AFP: variants seen among roughly 807,000 people sequenced by gnomAD.
The protein encoded by AFP is alpha fetoprotein.
In AFP, 64 loss-of-function variants were observed where a neutral mutation model predicts 78.9. That is an observed-to-expected ratio of 0.81 (90% CI 0.66 to 1.00). The LOEUF is 1.00. Ranked by LOEUF, AFP falls within the 50% of genes least tolerant of loss-of-function variation. The probability of loss-of-function intolerance (pLI) is 0.00; values close to 1 mark genes in which losing one functional copy is unlikely to be tolerated. For missense variants in AFP, 689 were observed against 703.8 expected (o/e 0.98, Z 0.24); for synonymous variants, 254 against 243.8 (o/e 1.04, Z -0.39).
In AFP at chr4:73,452,444, C is replaced by A. The variant is rs1267236142; in HGVS notation, c.1472C>A (p.Thr491Asn). 5.0e-6 allele frequency: 8 copies of A among 1,614,088 alleles called. No homozygotes were observed. Among genetic ancestry groups the A allele is most frequent in the Non-Finnish European group, 6.8e-6 (8 of 1,179,970 alleles). ...IGHLCIRHEM[T>N]PVNPGVGQCC... ...CACTTATGTATCAGACATGAAATGA[C>A]TCCAGTAAACCCTGGTGTTGGCCAG... The change falls in exon 12 of 15, where the codon ACT becomes AAT. Residue 491 changes from threonine to asparagine, a missense_variant. Physicochemically the swap from Thr to Asn is moderately conservative, Grantham distance 65 (BLOSUM62 0). Transcript: ENST00000395792.
intron 9 of AFP, among the ~76,000 whole-genome samples, 156 bp downstream of exon 9, chr4:73,449,623 A>C (rs761222590): frequency 5.9e-5 from 9 of 152,240 alleles, no homozygotes; most frequent in Admixed American, 1.3e-4. Context: ...AGCAGTCAGC[A>C]GCTAGTGGCT....
At chr4:73,450,326 G>A (rs1364993066) in intron 10 of AFP, among the ~76,000 whole-genome samples, 193 bp downstream of exon 10, 1 of 152,162 alleles carries the variant, frequency 6.6e-6, no homozygotes, top group Non-Finnish European at 1.5e-5. Flanking sequence ...CCGAGTTAAA[G>A]CACCAAAAGA....
intron 7 of AFP, among the ~76,000 whole-genome samples, chr4:73,446,529 C>T (rs1719831518): frequency 6.6e-6 from 1 of 152,000 alleles, no homozygotes; most frequent in Non-Finnish European, 1.5e-5. Flanking sequence ...AGGTGCATTG[C>T]CATTTTATTA....
intron 10 of AFP, among the ~76,000 whole-genome samples, chr4:73,450,358 C>T (rs1435009431): frequency 6.6e-6 from 1 of 152,160 alleles, no homozygotes; most frequent in Non-Finnish European, 1.5e-5. Flanking sequence ...ATCAATGAAG[C>T]TCCGAGGTTG....
chr4:73,454,309 A>G (rs1720098663), intron 13 of AFP, among the ~76,000 whole-genome samples: 1 of 152,058 alleles, frequency 6.6e-6, no homozygotes, highest in African/African-American at 2.4e-5. Flanking sequence ...ACTCATTTAG[A>G]AGCTTGCTTT....
rs2149337758 is a variant in AFP, at chr4:73,455,672, TTTCTC to T, written c.*55_*59del. ...ACGAGTCTTTCATTCGGTGTGAACT[TTTCTC>T]TTTAATTTTAACTGATTTAACACTT... On this transcript the variant is annotated 3_prime_UTR_variant, in exon 15 of 15. Coordinates refer to ENST00000395792, the MANE Select transcript of AFP (RefSeq NM_001134.3). 1.4e-6 allele frequency: 1 copy of T among 696,610 alleles called. No homozygotes were observed. Among genetic ancestry groups the T allele is most frequent in the Non-Finnish European group, 2.6e-6 (1 of 383,320 alleles). 43.2% of individuals were successfully genotyped at this position (696,610 alleles called of 1,614,324 possible).
chr4:73,448,068 G>T (rs754907927), intron 8 of AFP, among the ~76,000 whole-genome samples: 3 of 151,820 alleles, frequency 2.0e-5, no homozygotes, highest in African/African-American at 7.3e-5. Flanking sequence ...CTCTTGCTAC[G>T]CATGTTAAAA....
At position 73,453,885 on chromosome 4, in the gene AFP, C is replaced by T. The variant is rs1205934503; in HGVS notation, c.1773C>T (p.Cys591=). The change falls in exon 13 of 15, where the codon TGC becomes TGT. Residue 591 remains cysteine, a synonymous_variant. Coordinates refer to ENST00000395792, the MANE Select transcript of AFP (RefSeq NM_001134.3). ...KCCQGQEQEV[C]FAEEGQKLIS... is the part of the protein sequence containing the mutation. ...GCCAAGGCCAGGAACAGGAAGTCTGCTTTGCTGAAGAGGTACATGCAGCTC... is the reference window on the plus strand; with the variant it reads ...GCCAAGGCCAGGAACAGGAAGTCTGTTTTGCTGAAGAGGTACATGCAGCTC... 6.2e-7 allele frequency: 1 copy of T among 1,613,550 alleles called. No individual in the cohort carries two copies. The highest frequency in any genetic ancestry group is 1.3e-5 in the African/African-American group (1 of 74,894).
At chr4:73,442,853 A>G (rs1157243435) in intron 5 of AFP, among the ~76,000 whole-genome samples, 3 of 152,162 alleles carry the variant, frequency 2.0e-5, no homozygotes, top group Admixed American at 1.3e-4. Context: ...TTGTCCTTTA[A>G]CAAACTAGGA....
chr4:73,447,107 A>T lies in AFP; in HGVS notation c.844-355A>T, dbSNP rs554645765. Among the ~76,000 whole-genome samples the T allele has an allele frequency of 3.3e-5, 5 of 152,254 alleles. No homozygotes were observed. The East Asian group carries it at 9.6e-4, about 29-fold the overall frequency. On this transcript the variant is annotated intron_variant, in intron 7 of 14. Coordinates refer to ENST00000395792, the MANE Select transcript of AFP (RefSeq NM_001134.3). ...TAGCACTTAGGACATTATACTTGAT[A>T]ATTTCCAAGGGTCTTTCTAGATTTA... is the stretch of plus-strand genomic sequence containing the variant.
At chr4:73,437,306 C>A in intron 2 of AFP, 95 bp downstream of exon 2, 1 of 968,546 alleles carries the variant, frequency 1.0e-6, no homozygotes, top group South Asian at 1.4e-5. Context: ...CTCTTAAAAG[C>A]ACAAAAGCAA....
rs1343412659 is a variant in AFP at position 73,455,721 on chromosome 4, G to C, written c.*101G>C. ...AACACTTTTTGTGAATTAATGAAATGATAAAGACTTTTATGTGAGATTTCC... is the reference window on the plus strand; with the variant it reads ...AACACTTTTTGTGAATTAATGAAATCATAAAGACTTTTATGTGAGATTTCC... On this transcript the variant is annotated 3_prime_UTR_variant, in exon 15 of 15. Coordinates refer to ENST00000395792, the MANE Select transcript of AFP (RefSeq NM_001134.3). The C allele has an allele frequency of 7.3e-6, 5 of 680,838 alleles. No homozygotes were observed. In the Admixed American group the frequency reaches 1.1e-4, roughly 15 times the overall value. 42.2% of individuals were successfully genotyped at this position (680,838 alleles called of 1,614,324 possible).
rs781210184 is a variant in AFP at position 73,455,307 on chromosome 4, A to G, written c.*10+17A>G. 1 of 1,586,500 alleles carries G rather than the reference A, an allele frequency of 6.3e-7. No individual in the cohort carries two copies. Among genetic ancestry groups the G allele is most frequent in the South Asian group, 1.1e-5 (1 of 90,510 alleles). ...TTACTTCAGGTAACAAAACATTCAG[A>G]CAAGCCTGAATACAATGTTGTTTCT... On this transcript the variant is annotated intron_variant, in intron 14 of 14. Transcript: ENST00000395792.
In AFP at chr4:73,440,782, T is replaced by C; in HGVS notation, c.451T>C (p.Tyr151His). ...AGAACCTGTCACAAGCTGTGAAGCA[T>C]ATGAAGAAGACAGGGAGACATTCAT... ...VPEPVTSCEAYEEDRETFMNK... is the reference protein window; with the variant it reads ...VPEPVTSCEAHEEDRETFMNK... Residue 151 changes from tyrosine to histidine, a missense_variant, in exon 4 of 15, where the codon TAT (tyrosine) becomes CAT (histidine). By Grantham distance (83) the Tyr-to-His change is moderately conservative (BLOSUM62 2). Transcript: ENST00000395792. The C allele has an allele frequency of 6.2e-7, 1 of 1,614,124 alleles. No individual in the cohort carries two copies. The highest frequency in any genetic ancestry group is 1.1e-5 in the South Asian group (1 of 91,066).
At chr4:73,453,928 C>T (rs1311532477) in intron 13 of AFP, 31 bp downstream of exon 13, 5 of 1,612,850 alleles carry the variant, frequency 3.1e-6, no homozygotes, top group East Asian at 4.5e-5. Context: ...ACTCAAAATA[C>T]TTGCTATGGA....
intron 13 of AFP, among the ~76,000 whole-genome samples, chr4:73,454,538 A>G (rs1720104611): frequency 6.6e-6 from 1 of 152,170 alleles, no homozygotes; most frequent in African/African-American, 2.4e-5. Context: ...AATGATTATC[A>G]CAATCAAGAT....
At chr4:73,444,030 G>A (rs1238044527) in intron 6 of AFP, among the ~76,000 whole-genome samples, 2 of 152,042 alleles carry the variant, frequency 1.3e-5, no homozygotes, top group African/African-American at 4.8e-5. Context: ...AAATATCTGA[G>A]CTGCTAATCG....
In AFP at chr4:73,455,404, C is replaced by G. The variant is rs527680448; in HGVS notation, c.*10+114C>G. ...AATTCTCTTAAAAATACATGGAATTCAAAAAAAAGTTTATTTTAAAAACAC... is the reference window on the plus strand; with the variant it reads ...AATTCTCTTAAAAATACATGGAATTGAAAAAAAAGTTTATTTTAAAAACAC... On this transcript the variant is annotated intron_variant, in intron 14 of 14. Coordinates refer to ENST00000395792, the MANE Select transcript of AFP (RefSeq NM_001134.3). 6 of 913,852 alleles carry G rather than the reference C, an allele frequency of 6.6e-6. No homozygotes were observed. In the African/African-American group the frequency reaches 1.0e-4, roughly 15 times the overall value. 56.6% of individuals were successfully genotyped at this position (913,852 alleles called of 1,614,324 possible). A position where few individuals can be genotyped will look rare whatever the true frequency, so the allele number is the denominator to read the frequency against.
chr4:73,451,236 C>T (rs941553803), intron 11 of AFP, among the ~76,000 whole-genome samples: 5 of 152,090 alleles, frequency 3.3e-5, no homozygotes, highest in Non-Finnish European at 5.9e-5. Context: ...GGTTCCCTTT[C>T]GCAGGGTATA....
Sources: gnomAD v4.1 joint callset for allele counts (sites outside exome capture counted in the v4.1 genomes callset) on GRCh38, gnomAD v4.1.1 for gene constraint, MANE v1.5 for transcripts, NCBI Gene and HGNC (gene_info 2026-07-23, HGNC 2026-07-21) for gene names.